ACTR10: variants seen among roughly 807,000 people sequenced by gnomAD.
ACTR10 encodes the protein actin related protein 10, also known as actin-related protein 10.
A neutral mutation model predicts 56.2 loss-of-function variants in ACTR10; 43 were observed. The ratio of observed to expected loss-of-function variants is 0.77; its 90% CI spans 0.60 to 0.99. The LOEUF is 0.99. Among genes scored for constraint, ACTR10 ranks in the 50% least tolerant of loss-of-function variants. ACTR10 has a pLI of 0.00. For missense variants in ACTR10, 466 were observed against 507.8 expected, an observed-to-expected ratio of 0.92 and a Z score of 0.79; for synonymous variants, 170 against 176.3, an observed-to-expected ratio of 0.96 and a Z score of 0.28.
intron 10 of ACTR10, among the ~76,000 whole-genome samples, chr14:58,228,375 T>C (rs985297860): frequency 1.1e-4 from 17 of 152,116 alleles, no homozygotes; most frequent in Non-Finnish European, 1.5e-4. Context: ...CCCAACACTT[T>C]GGGGAGGCTG....
intron 10 of ACTR10, among the ~76,000 whole-genome samples, chr14:58,225,540 A>G (rs951525805): frequency 7.9e-5 from 12 of 152,176 alleles, no homozygotes; most frequent in African/African-American, 2.4e-4. Context: ...CAAAAGAGTA[A>G]GAATGTAGTA....
At chr14:58,209,298 A>G (rs765078245) in intron 4 of ACTR10, 191 bp downstream of exon 4, 15 of 320,464 alleles carry the variant, frequency 4.7e-5, no homozygotes, top group African/African-American at 6.4e-5. Context: ...GAACCAGATG[A>G]CAGAAGATTC....
intron 6 of ACTR10, among the ~76,000 whole-genome samples, chr14:58,214,469 T>C (rs547666786): frequency 1.2e-4 from 18 of 152,010 alleles, no homozygotes; most frequent in African/African-American, 4.1e-4. Flanking sequence ...GGTAAACTTA[T>C]GTCATGGGGA....
intron 2 of ACTR10, among the ~76,000 whole-genome samples, chr14:58,203,130 T>C (rs1031307121): frequency 1.3e-5 from 2 of 151,914 alleles, no homozygotes; most frequent in Non-Finnish European, 2.9e-5. Flanking sequence ...GGTGAAACCC[T>C]GTCTCAACTA....
At chr14:58,222,097 T>A (rs559244464) in intron 8 of ACTR10, among the ~76,000 whole-genome samples, 16 of 138,392 alleles carry the variant, frequency 1.2e-4, no homozygotes, top group Admixed American at 1.1e-3. Flanking sequence ...CACTACATAA[T>A]GTATTATGAA....
At chr14:58,208,539 A>G (rs532650461) in intron 3 of ACTR10, among the ~76,000 whole-genome samples, 2 of 152,030 alleles carry the variant, frequency 1.3e-5, no homozygotes, top group South Asian at 4.2e-4. Context: ...GTGAGCATAT[A>G]TTACTATTGT....
chr14:58,219,966 A>T (rs1258877569), intron 8 of ACTR10, among the ~76,000 whole-genome samples: 2 of 152,214 alleles, frequency 1.3e-5, no homozygotes, highest in East Asian at 3.8e-4. Flanking sequence ...TACAGAGTAT[A>T]CAGGGTTACC....
intron 8 of ACTR10, among the ~76,000 whole-genome samples, chr14:58,221,060 G>T (rs1889253049): frequency 6.8e-6 from 1 of 146,124 alleles, no homozygotes; most frequent in Admixed American, 6.9e-5. Flanking sequence ...GAGGTGGGCG[G>T]ATCACGAGGT....
At chr14:58,202,034 AAG>A in intron 1 of ACTR10, among the ~76,000 whole-genome samples, 1 of 151,784 alleles carries the variant, frequency 6.6e-6, no homozygotes, top group South Asian at 2.1e-4. Flanking sequence ...GATAGCAATG[AAG>A]ATTATGTTAA....
chr14:58,222,254 T>C (rs1431832666), intron 8 of ACTR10, among the ~76,000 whole-genome samples: 1 of 152,142 alleles, frequency 6.6e-6, no homozygotes, highest in African/African-American at 2.4e-5. Flanking sequence ...GTCTCTACTT[T>C]AAAAAAGGTA....
intron 12 of ACTR10, among the ~76,000 whole-genome samples, chr14:58,233,970 G>A (rs1208826078): frequency 2.0e-5 from 3 of 152,164 alleles, no homozygotes; most frequent in Non-Finnish European, 4.4e-5. Flanking sequence ...ACATTATGAT[G>A]ATGTTTATTG....
intron 7 of ACTR10, among the ~76,000 whole-genome samples, chr14:58,218,973 C>T (rs1026801303): frequency 2.0e-5 from 3 of 152,132 alleles, no homozygotes; most frequent in African/African-American, 7.2e-5. Flanking sequence ...CAGGCATGCA[C>T]CACCACACCC....
Position 58,234,761 on chromosome 14 carries a change from G to A in ACTR10, c.*210G>A, listed in dbSNP as rs2140068273. 2 of 325,044 alleles carry A rather than the reference G, an allele frequency of 6.2e-6. No homozygotes were observed. Among genetic ancestry groups the A allele is most frequent in the Non-Finnish European group, 1.1e-5 (2 of 183,964 alleles). The allele number at this position is 325,044 out of a possible 1,614,324, so 20.1% of individuals were successfully genotyped here. A position where few individuals can be genotyped will look rare whatever the true frequency, so the allele number is the denominator to read the frequency against. On this transcript the variant is annotated 3_prime_UTR_variant, in exon 13 of 13. Transcript: ENST00000254286. ...TAGCTGGTGCTTATTGAGATTTGCT[G>A]TATTTATATCAATAAAGTATAGTAA...
chr14:58,208,889 T>C, intron 3 of ACTR10, 110 bp from the exon 4 acceptor site: 1 of 666,462 alleles, frequency 1.5e-6, no homozygotes, highest in East Asian at 2.7e-5. Flanking sequence ...TGTCTTTTTG[T>C]GATAAAATAT....
At chr14:58,217,088 G>A (rs1889150386) in intron 7 of ACTR10, among the ~76,000 whole-genome samples, 1 of 152,160 alleles carries the variant, frequency 6.6e-6, no homozygotes, top group East Asian at 1.9e-4. Flanking sequence ...ACTTTGTGAT[G>A]TCTTAGTATA....
At chr14:58,227,226 C>T (rs1389896632) in intron 10 of ACTR10, among the ~76,000 whole-genome samples, 1 of 149,640 alleles carries the variant, frequency 6.7e-6, no homozygotes, top group East Asian at 2.0e-4. Flanking sequence ...AGGAATCAGT[C>T]TTGGTACAGA....
chr14:58,224,676 G>C (rs531103574), intron 10 of ACTR10, among the ~76,000 whole-genome samples: 7 of 152,268 alleles, frequency 4.6e-5, no homozygotes, highest in African/African-American at 1.7e-4. Context: ...ACAGGGGTTA[G>C]CAAAATATTT....
chr14:58,227,924 TAGA>T (rs1889439257), intron 10 of ACTR10, among the ~76,000 whole-genome samples: 1 of 152,166 alleles, frequency 6.6e-6, no homozygotes, highest in African/African-American at 2.4e-5. Flanking sequence ...TTCAACAACT[TAGA>T]AGTTTATCTC....
At chr14:58,203,327 A>T (rs1386124946) in intron 2 of ACTR10, among the ~76,000 whole-genome samples, 1 of 150,756 alleles carries the variant, frequency 6.6e-6, no homozygotes, top group East Asian at 1.9e-4. Flanking sequence ...AAAAAGAAAC[A>T]AGAAACAGTA....
Sources: allele counts gnomAD v4.1 joint callset (sites outside exome capture counted in the v4.1 genomes callset), GRCh38; gene constraint gnomAD v4.1.1; transcripts MANE v1.5; gene names NCBI Gene and HGNC (gene_info 2026-07-23, HGNC 2026-07-21).